Variants in SORCS2 observed in about 807,000 individuals in gnomAD.
SORCS2 encodes VPS10 domain-containing receptor SorCS2.
SORCS2 carries 100 observed loss-of-function variants against 141.6 expected under a neutral mutation model. The observed-to-expected ratio is 0.71, with a 90% CI of 0.60 to 0.83. The LOEUF (loss-of-function observed/expected upper bound fraction) is 0.83. SORCS2 is among the 40% of genes least tolerant of loss of function. The pLI is 0.00. For missense variants in SORCS2, 1,646 were observed against 1,560.2 expected, an observed-to-expected ratio of 1.05 and a Z score of -0.93; for synonymous variants, 789 against 676.9, an observed-to-expected ratio of 1.17 and a Z score of -2.57.
rs890486964 is a variant in SORCS2, at chr4:7,201,765, G to C, written c.480+8639G>C. Among the ~76,000 whole-genome samples, 4 of 152,148 alleles carry C rather than the reference G, an allele frequency of 2.6e-5. No individual in the cohort carries two copies. The highest frequency in any genetic ancestry group is 9.7e-5 in the African/African-American group (4 of 41,416). On this transcript the variant is annotated intron_variant, in intron 1 of 26. Transcript: ENST00000507866. The surrounding 1 kb of genome is among the most constrained non-coding windows in gnomAD (Gnocchi z 4.4). ...CCCACTTTGTCCTCGCCCCTCCTTA[G>C]TCGCTAGTTTGGGTGGGTGCTCTGT...
At chr4:7,328,594 G>A (rs28428558) in intron 1 of SORCS2, among the ~76,000 whole-genome samples, 8,426 of 152,180 alleles carry the variant, frequency 0.055, 431 homozygotes, top group African/African-American at 0.14. Context: ...TGATTCATGC[G>A]AGAAGCGTTT....
At chr4:7,661,192 A>T (rs1722136578) in intron 5 of SORCS2, among the ~76,000 whole-genome samples, 1 of 151,718 alleles carries the variant, frequency 6.6e-6, no homozygotes, top group African/African-American at 2.4e-5. Context: ...TTTTACAAAC[A>T]CTCCCATGGC....
intron 3 of SORCS2, among the ~76,000 whole-genome samples, chr4:7,588,625 G>A (rs930130432): frequency 2.6e-5 from 4 of 152,176 alleles, no homozygotes; most frequent in African/African-American, 9.6e-5. Flanking sequence ...AGCAGATGTG[G>A]CAACTGGGAT....
chr4:7,395,370 A>G (rs755857195), intron 1 of SORCS2, among the ~76,000 whole-genome samples: 22 of 152,194 alleles, frequency 1.4e-4, no homozygotes, highest in African/African-American at 4.6e-4. Flanking sequence ...AGCTGTTCCC[A>G]TCTTACCTCC....
At chr4:7,232,281 C>A (rs1016681998) in intron 1 of SORCS2, among the ~76,000 whole-genome samples, 5 of 152,144 alleles carry the variant, frequency 3.3e-5, no homozygotes, top group Non-Finnish European at 7.4e-5. Context: ...AAGGGGGACA[C>A]CCCAGTGACC....
At chr4:7,413,667 C>T (rs879587335) in intron 2 of SORCS2, among the ~76,000 whole-genome samples, 3 of 152,090 alleles carry the variant, frequency 2.0e-5, no homozygotes, top group African/African-American at 2.4e-5. Flanking sequence ...GGATTACAGG[C>T]GTGAGCCACT....
intron 1 of SORCS2, among the ~76,000 whole-genome samples, chr4:7,328,018 CTTT>C (rs60976971): frequency 0.047 from 4,096 of 87,136 alleles, 39 homozygotes; most frequent in African/African-American, 0.11. Flanking sequence ...TCGTGCTAGG[CTTT>C]TTTTTTTTTT....
At chr4:7,295,623 C>T (rs549558811) in intron 1 of SORCS2, among the ~76,000 whole-genome samples, 26 of 152,300 alleles carry the variant, frequency 1.7e-4, no homozygotes, top group South Asian at 1.5e-3. Flanking sequence ...TGGCCCTGTG[C>T]CTGGGAACCC....
At chr4:7,730,073 G>A (rs1413681053) in intron 23 of SORCS2, among the ~76,000 whole-genome samples, 1 of 152,228 alleles carries the variant, frequency 6.6e-6, no homozygotes, top group East Asian at 1.9e-4. Context: ...ACACCCAAGG[G>A]TGTGGGTTTC....
chr4:7,586,523 A>G (rs1716548631), intron 3 of SORCS2, among the ~76,000 whole-genome samples: 1 of 152,044 alleles, frequency 6.6e-6, no homozygotes, highest in Non-Finnish European at 1.5e-5. Context: ...TTTCCCCCAC[A>G]CTGTGTCCAT....
At chr4:7,368,382 C>G (rs902275096) in intron 1 of SORCS2, among the ~76,000 whole-genome samples, 1 of 152,242 alleles carries the variant, frequency 6.6e-6, no homozygotes, top group Non-Finnish European at 1.5e-5. Context: ...CAAGCCCACC[C>G]TCCCACGGGC....
chr4:7,625,596 A>G (rs1014874945), intron 3 of SORCS2, among the ~76,000 whole-genome samples: 25 of 151,654 alleles, frequency 1.6e-4, no homozygotes, highest in African/African-American at 5.8e-4. Flanking sequence ...TTGCATGGAG[A>G]TGGTTACAGC....
chr4:7,269,158 A>G (rs1171867154), intron 1 of SORCS2, among the ~76,000 whole-genome samples: 1 of 152,182 alleles, frequency 6.6e-6, no homozygotes, highest in Non-Finnish European at 1.5e-5. Context: ...AAGAGGCCTG[A>G]GGGCCTGGAG....
intron 2 of SORCS2, among the ~76,000 whole-genome samples, chr4:7,464,680 TG>T (rs1435084631): frequency 6.6e-6 from 1 of 152,190 alleles, no homozygotes; most frequent in Non-Finnish European, 1.5e-5. Context: ...TCCCAAAAAA[TG>T]GTGTACTCTG....
intron 2 of SORCS2, among the ~76,000 whole-genome samples, chr4:7,443,889 C>G (rs1045931034): frequency 2.6e-5 from 4 of 152,334 alleles, no homozygotes; most frequent in Non-Finnish European, 4.4e-5. Flanking sequence ...TGTGGGCATG[C>G]CAGCCTCCAC....
At chr4:7,349,723 C>A (rs1321977327) in intron 1 of SORCS2, among the ~76,000 whole-genome samples, 2 of 152,174 alleles carry the variant, frequency 1.3e-5, no homozygotes, top group African/African-American at 4.8e-5. Flanking sequence ...CTGCGGAGGT[C>A]CAGGCCTGGC....
intron 1 of SORCS2, among the ~76,000 whole-genome samples, chr4:7,341,676 C>T (rs1432493557): frequency 1.3e-5 from 2 of 152,238 alleles, no homozygotes; most frequent in African/African-American, 4.8e-5. Flanking sequence ...CATTCAATCT[C>T]CCAGGCAGCT....
At chr4:7,299,201 C>T (rs930300604) in intron 1 of SORCS2, among the ~76,000 whole-genome samples, 1 of 152,248 alleles carries the variant, frequency 6.6e-6, no homozygotes. Context: ...GGGTGGGCCC[C>T]CTGGCAGCCG....
intron 2 of SORCS2, among the ~76,000 whole-genome samples, chr4:7,456,790 G>A (rs994941620): frequency 6.6e-6 from 1 of 152,040 alleles, no homozygotes; most frequent in Non-Finnish European, 1.5e-5. Flanking sequence ...GGGGGTGGAG[G>A]GTCATCTCTC....
Sources: gnomAD v4.1 joint callset for allele counts (sites outside exome capture counted in the v4.1 genomes callset) on GRCh38, gnomAD v4.1.1 for gene constraint, Gnocchi (gnomAD v3.1) non-coding constraint, MANE v1.5 for transcripts, NCBI Gene and HGNC (gene_info 2026-07-23, HGNC 2026-07-21) for gene names.